The following TEAD1 variants were observed in gnomAD, a reference collection of about 807,000 sequenced individuals.
TEAD1 encodes the protein TEA domain transcription factor 1.
A neutral mutation model predicts 54.9 loss-of-function variants in TEAD1; 9 were observed. The observed-to-expected ratio is 0.16, with a 90% CI of 0.10 to 0.29. TEAD1 has a LOEUF of 0.29. TEAD1 is among the 10% of genes least tolerant of loss of function. The pLI is 1.00. For synonymous variants in TEAD1, 200 were observed against 187.8 expected, an observed-to-expected ratio of 1.07 and a Z score of -0.53; for missense variants, 387 against 535.9, an observed-to-expected ratio of 0.72 and a Z score of 2.74.
At chr11:12,897,048 A>T (rs1455273363) in intron 9 of TEAD1, among the ~76,000 whole-genome samples, 1 of 152,192 alleles carries the variant, frequency 6.6e-6, no homozygotes, top group African/African-American at 2.4e-5. Context: ...TATTGAGGAA[A>T]TCGAGTCTTG....
At chr11:12,877,220 G>A (rs1047678914) in intron 5 of TEAD1, among the ~76,000 whole-genome samples, 5 of 152,222 alleles carry the variant, frequency 3.3e-5, no homozygotes, top group African/African-American at 1.2e-4. Context: ...AATCCTGCCA[G>A]CTTCTAGGGC....
intron 3 of TEAD1, among the ~76,000 whole-genome samples, chr11:12,819,658 A>G (rs1000062936): frequency 5.7e-4 from 87 of 151,640 alleles, no homozygotes; most frequent in South Asian, 1.0e-3. Context: ...TCACCATGTT[A>G]GCCAGGATGG....
At position 12,682,645 on chromosome 11, in the gene TEAD1, G is replaced by A. The variant is rs376593147; in HGVS notation, c.-55+7084G>A. ...TTCACCTTGGGCACTTTGAAATCCAGATGCTCCTGGTTTTCACGGAGCTAC... is the reference window on the plus strand; with the variant it reads ...TTCACCTTGGGCACTTTGAAATCCAAATGCTCCTGGTTTTCACGGAGCTAC... On this transcript the variant is annotated intron_variant, in intron 2 of 12. Transcript: ENST00000527636. 1.2e-4 allele frequency among the ~76,000 whole-genome samples: 19 copies of A among 152,232 alleles called. No homozygotes were observed. The East Asian group carries it at 3.7e-3, about 29-fold the overall frequency.
At chr11:12,772,438 G>A (rs747174024) in intron 3 of TEAD1, among the ~76,000 whole-genome samples, 1 of 152,160 alleles carries the variant, frequency 6.6e-6, no homozygotes, top group Admixed American at 6.5e-5. Context: ...GGAGGAGGAT[G>A]GGGGGAGGGC....
At chr11:12,883,814 C>A (rs1948025745) in intron 9 of TEAD1, among the ~76,000 whole-genome samples, 1 of 152,022 alleles carries the variant, frequency 6.6e-6, no homozygotes, top group Non-Finnish European at 1.5e-5. Flanking sequence ...GAGATCAAGA[C>A]CATCTTGGCC....
chr11:12,865,077 C>T (rs1589938575), intron 5 of TEAD1, 177 bp downstream of exon 5: 1 of 745,434 alleles, frequency 1.3e-6, no homozygotes, highest in Non-Finnish European at 2.3e-6. Flanking sequence ...TCACATTAAA[C>T]TCAATGTGTG....
At chr11:12,894,071 C>T (rs1313547729) in intron 9 of TEAD1, among the ~76,000 whole-genome samples, 1 of 152,154 alleles carries the variant, frequency 6.6e-6, no homozygotes, top group Non-Finnish European at 1.5e-5. Context: ...GGTGATTTGT[C>T]CTTGTTCTGT....
At chr11:12,714,889 C>A (rs1342199070) in intron 2 of TEAD1, among the ~76,000 whole-genome samples, 1 of 152,096 alleles carries the variant, frequency 6.6e-6, no homozygotes, top group African/African-American at 2.4e-5. Flanking sequence ...CGGTTAGGGC[C>A]CACCTTGTTA....
At chr11:12,710,418 G>T (rs1943911645) in intron 2 of TEAD1, among the ~76,000 whole-genome samples, 1 of 152,120 alleles carries the variant, frequency 6.6e-6, no homozygotes, top group Non-Finnish European at 1.5e-5. Flanking sequence ...GGGATACAAG[G>T]ATGAATAAGA....
chr11:12,859,872 T>G (rs1947463803), intron 3 of TEAD1, among the ~76,000 whole-genome samples: 1 of 152,150 alleles, frequency 6.6e-6, no homozygotes, highest in Non-Finnish European at 1.5e-5. Context: ...ACCTAGGAGT[T>G]TAAGTTGGCA....
chr11:12,891,680 TTAAG>T (rs2063983874), intron 9 of TEAD1, among the ~76,000 whole-genome samples: 1 of 152,214 alleles, frequency 6.6e-6, no homozygotes, highest in African/African-American at 2.4e-5. Flanking sequence ...CTCAGAGAGT[TTAAG>T]TAACTTCATC....
intron 10 of TEAD1, among the ~76,000 whole-genome samples, chr11:12,917,774 A>G (rs1401336914): frequency 6.6e-6 from 1 of 152,212 alleles, no homozygotes; most frequent in Non-Finnish European, 1.5e-5. Context: ...TTTCTAGAGC[A>G]AACAGGGAGA....
At chr11:12,885,126 G>T (rs1948060135) in intron 9 of TEAD1, among the ~76,000 whole-genome samples, 1 of 152,084 alleles carries the variant, frequency 6.6e-6, no homozygotes, top group Non-Finnish European at 1.5e-5. Flanking sequence ...CATACTAAGT[G>T]ACTTAAGATT....
chr11:12,918,626 C>T lies in TEAD1; in HGVS notation c.874-6286C>T, dbSNP rs143096251. ...ATAAAATGCACGTAGACTCTATGAC[C>T]GAGTAATTACACTCCTAGGAACGTC... On this transcript the variant is annotated intron_variant, in intron 10 of 12. Transcript: ENST00000527636. 2.8e-3 allele frequency among the ~76,000 whole-genome samples: 421 copies of T among 152,158 alleles called. 2 individuals carry two copies. The highest frequency in any genetic ancestry group is 9.7e-3 in the African/African-American group (402 of 41,498).
intron 10 of TEAD1, among the ~76,000 whole-genome samples, chr11:12,908,573 C>T (rs114700632): frequency 7.0e-4 from 106 of 152,242 alleles, no homozygotes; most frequent in African/African-American, 2.5e-3. Flanking sequence ...GAATACAAAA[C>T]GTAAGGTGAA....
At chr11:12,848,812 T>G (rs1947209945) in intron 3 of TEAD1, 1 of 151,488 alleles carries the variant, frequency 6.6e-6, no homozygotes, top group Admixed American at 6.6e-5. Flanking sequence ...TAGCTGCGTA[T>G]AGTGGCACAC....
intron 2 of TEAD1, among the ~76,000 whole-genome samples, chr11:12,679,069 G>C (rs144165353): frequency 2.6e-5 from 4 of 152,088 alleles, no homozygotes; most frequent in Admixed American, 1.3e-4. Context: ...CCAATAGTCC[G>C]GGAGTCTTGG....
intron 12 of TEAD1, 90 bp downstream of exon 12, chr11:12,930,416 G>C (rs909900483): frequency 5.3e-6 from 8 of 1,521,998 alleles, no homozygotes; most frequent in Non-Finnish European, 6.3e-6. Context: ...CGCTGGGCCT[G>C]CGCCGAGGGA....
chr11:12,873,646 A>T (rs2134085517), intron 5 of TEAD1, among the ~76,000 whole-genome samples: 1 of 152,324 alleles, frequency 6.6e-6, no homozygotes, highest in Non-Finnish European at 1.5e-5. Flanking sequence ...TACCTGACTG[A>T]AGTAGTCTCC....
Sources: gnomAD v4.1 joint callset for allele counts (sites outside exome capture counted in the v4.1 genomes callset) on GRCh38, gnomAD v4.1.1 for gene constraint, MANE v1.5 for transcripts, NCBI Gene and HGNC (gene_info 2026-07-23, HGNC 2026-07-21) for gene names.